MCCC2: variants seen among roughly 807,000 people sequenced by gnomAD.
MCCC2 encodes the protein methylcrotonyl-CoA carboxylase subunit 2, also known as methylcrotonoyl-CoA carboxylase beta chain, mitochondrial.
A neutral mutation model predicts 77.2 loss-of-function variants in MCCC2; 52 were observed. That is an observed-to-expected ratio of 0.67 (90% confidence interval 0.54 to 0.85). The LOEUF is 0.85. Ranked by LOEUF, MCCC2 falls within the 40% of genes least tolerant of loss-of-function variation. The probability of loss-of-function intolerance (pLI) is 0.00; values close to 1 mark genes in which losing one functional copy is unlikely to be tolerated. For synonymous variants in MCCC2, 253 were observed against 248.4 expected, an observed-to-expected ratio of 1.02 and a Z score of -0.18; for missense variants, 682 against 703.2, an observed-to-expected ratio of 0.97 and a Z score of 0.34.
chr5:71,643,303 T>C (rs7379017), intron 11 of MCCC2, among the ~76,000 whole-genome samples: 99,680 of 151,700 alleles, frequency 0.66, 36,235 homozygotes, highest in East Asian at 0.88. Context: ...GGAGGATCAC[T>C]TGAAGCCTGA....
At chr5:71,598,142 C>T (rs1011542370) in intron 3 of MCCC2, among the ~76,000 whole-genome samples, 20 of 150,688 alleles carry the variant, frequency 1.3e-4, no homozygotes, top group African/African-American at 3.7e-4. Flanking sequence ...GCGCGATCTC[C>T]GTTCACTTAA....
At chr5:71,596,495 C>T (rs1376036046) in intron 3 of MCCC2, 131 bp downstream of exon 3, 11 of 836,994 alleles carry the variant, frequency 1.3e-5, no homozygotes, top group African/African-American at 6.6e-5. Context: ...TTATTGAGAG[C>T]CTACTATGTG....
In MCCC2 at chr5:71,591,743, T is replaced by C. The variant is rs1229909582; in HGVS notation, c.130-1183T>C. Among the ~76,000 whole-genome samples, 3 of 151,822 alleles carry C rather than the reference T, an allele frequency of 2.0e-5. No individual in the cohort carries two copies. In the East Asian group the frequency reaches 5.8e-4, roughly 29 times the overall value. The stretch of plus-strand genomic sequence containing the variant: ...TGAGCCACCACGGCTGGCCGAGTTT[T>C]GTTCTTTTTACTAATTTATTTATTT... On this transcript the variant is annotated intron_variant, in intron 1 of 16. Coordinates refer to ENST00000340941, the MANE Select transcript of MCCC2 (RefSeq NM_022132.5).
intron 6 of MCCC2, among the ~76,000 whole-genome samples, chr5:71,624,433 A>G (rs1250502963): frequency 6.6e-6 from 1 of 151,398 alleles, no homozygotes; most frequent in African/African-American, 2.4e-5. Context: ...GGTGGAGTGC[A>G]ATGGTGTGAT....
At position 71,652,795 on chromosome 5, in the gene MCCC2, T is replaced by C. The variant is rs758646206; in HGVS notation, c.1574+41T>C. ...TCACTAACTCTCTGATGGGTGCAGA[T>C]GGCAGTCAGAGGAACAGCTTTACAG... On this transcript the variant is annotated intron_variant, in intron 16 of 16. Coordinates refer to ENST00000340941, the MANE Select transcript of MCCC2 (RefSeq NM_022132.5). The C allele has an allele frequency of 5.8e-6, 9 of 1,547,364 alleles. No homozygotes were observed. In the African/African-American group the frequency reaches 1.2e-4, roughly 21 times the overall value.
rs277980 is a variant in MCCC2, at chr5:71,632,029, G to A, written c.739-92G>A. On this transcript the variant is annotated intron_variant, in intron 7 of 16. Transcript: ENST00000340941. The stretch of plus-strand genomic sequence containing the variant: ...TTAGTTCTATGGAAGAAAAAGTACA[G>A]GTATAGTCAGGTGAGGAGTTGTGCA... 472,662 of 1,078,074 alleles carry A rather than the reference G, an allele frequency of 0.44. 105,789 individuals carry two copies. The highest frequency in any genetic ancestry group is 0.48 in the South Asian group (38,461 of 80,302). 66.8% of individuals were successfully genotyped at this position (1,078,074 alleles called of 1,614,324 possible). A position where few individuals can be genotyped will look rare whatever the true frequency, so the allele number is the denominator to read the frequency against.
At chr5:71,614,840 A>G (rs1580299530) in intron 6 of MCCC2, among the ~76,000 whole-genome samples, 1 of 151,962 alleles carries the variant, frequency 6.6e-6, no homozygotes, top group Middle Eastern at 3.4e-3. Flanking sequence ...TTCTTCTCAC[A>G]CCCCAAAATC....
chr5:71,654,557 G>C (rs540361353), intron 16 of MCCC2, among the ~76,000 whole-genome samples: 1 of 149,318 alleles, frequency 6.7e-6, no homozygotes, highest in South Asian at 2.1e-4. Context: ...CTTTTCTATA[G>C]TTTTTTTTTT....
intron 3 of MCCC2, among the ~76,000 whole-genome samples, chr5:71,598,071 CTTTTTT>C (rs541775693): frequency 7.7e-6 from 1 of 129,496 alleles, no homozygotes; most frequent in Non-Finnish European, 1.7e-5. Flanking sequence ...GTGAGTGTTT[CTTTTTT>C]TTTTTTTTTT....
At chr5:71,648,999 T>C in intron 13 of MCCC2, 98 bp from the exon 14 acceptor site, 1 of 1,354,534 alleles carries the variant, frequency 7.4e-7, no homozygotes, top group Non-Finnish European at 1.1e-6. Context: ...AGGCATTTAG[T>C]AAGATGAGTT....
chr5:71,603,520 G>T (rs1179438579), intron 5 of MCCC2, among the ~76,000 whole-genome samples: 2 of 151,768 alleles, frequency 1.3e-5, no homozygotes, highest in African/African-American at 4.8e-5. Flanking sequence ...AACGGGTACT[G>T]ATGTAGAGGT....
rs1746869775 is a variant in MCCC2 at position 71,635,052 on chromosome 5, A to G, written c.903+10A>G. ...TCAGAAGAAATTGGATGTGAGTACGATATGTTCTTATATCTTTTATTTTCC... is the reference window on the plus strand; with the variant it reads ...TCAGAAGAAATTGGATGTGAGTACGGTATGTTCTTATATCTTTTATTTTCC... On this transcript the variant is annotated intron_variant, in intron 9 of 16. Coordinates refer to ENST00000340941, the MANE Select transcript of MCCC2 (RefSeq NM_022132.5). 2 of 1,613,318 alleles carry G rather than the reference A, an allele frequency of 1.2e-6. No homozygotes were observed. Among genetic ancestry groups the G allele is most frequent in the Non-Finnish European group, 1.7e-6 (2 of 1,179,328 alleles).
At chr5:71,602,212 A>G (rs542089118) in intron 4 of MCCC2, among the ~76,000 whole-genome samples, 1 of 152,220 alleles carries the variant, frequency 6.6e-6, no homozygotes, top group Non-Finnish European at 1.5e-5. Context: ...AAGAACCATT[A>G]TGACACAAGG....
chr5:71,642,770 G>C (rs915181832), intron 11 of MCCC2, among the ~76,000 whole-genome samples: 7 of 152,122 alleles, frequency 4.6e-5, no homozygotes, highest in African/African-American at 1.7e-4. Context: ...TAAGTTTTTG[G>C]CTGGGATTTT....
At chr5:71,596,926 C>T (rs931833332) in intron 3 of MCCC2, among the ~76,000 whole-genome samples, 5 of 149,958 alleles carry the variant, frequency 3.3e-5, no homozygotes, top group South Asian at 2.1e-4. Flanking sequence ...GGTGACAGAG[C>T]GAGACTCTGT....
intron 6 of MCCC2, among the ~76,000 whole-genome samples, chr5:71,611,518 GGAAT>G (rs931148773): frequency 1.4e-4 from 22 of 152,268 alleles, no homozygotes; most frequent in African/African-American, 4.6e-4. Context: ...TCTGTTAAAA[GGAAT>G]GAACTAAAAT....
intron 2 of MCCC2, among the ~76,000 whole-genome samples, chr5:71,594,305 G>T (rs1745091636): frequency 6.6e-6 from 1 of 152,074 alleles, no homozygotes; most frequent in African/African-American, 2.4e-5. Context: ...GAGGTGGGCG[G>T]ATCACATGAA....
intron 2 of MCCC2, among the ~76,000 whole-genome samples, chr5:71,594,984 G>GC (rs1745123859): frequency 1.6e-5 from 1 of 62,292 alleles, no homozygotes; most frequent in Non-Finnish European, 4.2e-5. Context: ...CTACAACCTT[G>GC]GCCCCCCGGG....
chr5:71,591,590 C>T (rs952560633), intron 1 of MCCC2, among the ~76,000 whole-genome samples: 1 of 151,988 alleles, frequency 6.6e-6, no homozygotes, highest in Non-Finnish European at 1.5e-5. Context: ...GCAAGCACCA[C>T]CTTGCCTGGC....
Sources: allele counts gnomAD v4.1 joint callset (sites outside exome capture counted in the v4.1 genomes callset), GRCh38; gene constraint gnomAD v4.1.1; transcripts MANE v1.5; gene names NCBI Gene and HGNC (gene_info 2026-07-23, HGNC 2026-07-21).